Variants in SSBP2 observed in about 807,000 individuals in gnomAD.
SSBP2 encodes the protein single-stranded DNA-binding protein 2.
Under a neutral mutation model 61.8 loss-of-function variants are expected in SSBP2, and 17 were observed. The observed-to-expected ratio is 0.28, with a 90% CI of 0.19 to 0.41. SSBP2 has a LOEUF of 0.41. Among genes scored for constraint, SSBP2 ranks in the 10% least tolerant of loss-of-function variants. The probability of loss-of-function intolerance (pLI) is 1.00; values close to 1 mark genes in which losing one functional copy is unlikely to be tolerated. For synonymous variants in SSBP2, 139 were observed against 141.3 expected (o/e 0.98, Z 0.12); for missense variants, 310 against 458.7 (o/e 0.68, Z 2.96).
At chr5:81,512,047 C>G (rs1232444716) in intron 5 of SSBP2, among the ~76,000 whole-genome samples, 1 of 152,186 alleles carries the variant, frequency 6.6e-6, no homozygotes, top group East Asian at 1.9e-4. Flanking sequence ...AAACTGCTCC[C>G]TCTTTTAAAA....
chr5:81,563,743 T>G (rs1773221016), intron 4 of SSBP2, among the ~76,000 whole-genome samples: 1 of 151,916 alleles, frequency 6.6e-6, no homozygotes, highest in South Asian at 2.1e-4. Context: ...AAAAATCAAT[T>G]CAAAAATGGA....
chr5:81,728,709 G>A (rs1756058785), intron 1 of SSBP2, among the ~76,000 whole-genome samples: 1 of 152,106 alleles, frequency 6.6e-6, no homozygotes, highest in South Asian at 2.1e-4. Flanking sequence ...ATAAATTCTG[G>A]TTGCTTGATT....
intron 12 of SSBP2, among the ~76,000 whole-genome samples, chr5:81,445,528 T>G (rs1043442834): frequency 1.3e-5 from 2 of 152,152 alleles, no homozygotes; most frequent in African/African-American, 4.8e-5. Context: ...TCAGTTGATA[T>G]AATTCTATCT....
At chr5:81,586,783 C>T (rs1330205974) in intron 4 of SSBP2, among the ~76,000 whole-genome samples, 2 of 151,974 alleles carry the variant, frequency 1.3e-5, no homozygotes, top group Non-Finnish European at 2.9e-5. Flanking sequence ...ATCGTGCCTA[C>T]CTGATCTGTC....
Position 81,489,255 on chromosome 5 carries a change from T to A in SSBP2, c.427A>T (p.Asn143Tyr). ...ACATAGCACATAAATCTTACCTGAT[T>A]AGGTATCCTCAATGGGGGCCTTGGA... Residue 143 changes from asparagine (N) to tyrosine (Y), a missense_variant, in exon 6 of 17, where the codon AAT (asparagine) becomes TAT (tyrosine). Asn to Tyr is a moderately radical substitution (Grantham distance 143, BLOSUM62 -2). Around this residue, in one of 4 missense-constraint regions of SSBP2, gnomAD observed 209 missense variants for 286.4 expected, o/e 0.73. Coordinates refer to ENST00000320672, the MANE Select transcript of SSBP2 (RefSeq NM_012446.5). The A allele has an allele frequency of 6.2e-7, 1 of 1,608,994 alleles. No homozygotes were observed. The highest frequency in any genetic ancestry group is 1.3e-5 in the African/African-American group (1 of 74,680).
chr5:81,465,712 T>C (rs1764845246), intron 9 of SSBP2, among the ~76,000 whole-genome samples: 1 of 152,024 alleles, frequency 6.6e-6, no homozygotes, highest in Admixed American at 6.6e-5. Context: ...TACATCTCCA[T>C]CCTATTGGTA....
chr5:81,528,835 A>G lies in SSBP2; in HGVS notation c.283-15118T>C, dbSNP rs1430202108. On this transcript the variant is annotated intron_variant, in intron 4 of 16. Coordinates refer to ENST00000320672, the MANE Select transcript of SSBP2 (RefSeq NM_012446.5). ...AGCAAGTTATAACAATCTTTAATCC[A>G]TACAGCAATATAACTTCAAAATTCA... Among the ~76,000 whole-genome samples the G allele has an allele frequency of 2.6e-5, 4 of 152,098 alleles. No homozygotes were observed. The East Asian group carries it at 5.8e-4, about 22-fold the overall frequency.
At chr5:81,672,523 A>C (rs1318275316) in intron 1 of SSBP2, among the ~76,000 whole-genome samples, 1 of 152,142 alleles carries the variant, frequency 6.6e-6, no homozygotes, top group Non-Finnish European at 1.5e-5. Flanking sequence ...AGGGAAGAAA[A>C]GATTAAACAC....
intron 10 of SSBP2, among the ~76,000 whole-genome samples, chr5:81,452,994 C>A (rs1388434902): frequency 6.6e-6 from 1 of 150,896 alleles, no homozygotes; most frequent in Non-Finnish European, 1.5e-5. Context: ...GAAAACATTG[C>A]CAATTAAGAA....
intron 10 of SSBP2, among the ~76,000 whole-genome samples, chr5:81,452,448 A>G (rs1416753819): frequency 6.6e-6 from 1 of 152,172 alleles, no homozygotes; most frequent in African/African-American, 2.4e-5. Flanking sequence ...TTTTAGAGAA[A>G]TAAGTCTAGA....
rs1774924149 is a variant in SSBP2, at chr5:81,584,571, C to CAGGAAACAA, written c.282+30893_282+30901dup. Among the ~76,000 whole-genome samples, 4 of 152,078 alleles carry CAGGAAACAA rather than the reference C, an allele frequency of 2.6e-5. No individual in the cohort carries two copies. In the South Asian group the frequency reaches 8.3e-4, roughly 31 times the overall value. On this transcript the variant is annotated intron_variant, in intron 4 of 16. Coordinates refer to ENST00000320672, the MANE Select transcript of SSBP2 (RefSeq NM_012446.5). ...TTCAGTGGTATGCTAGAGGAAAACA[C>CAGGAAACAA]AGGAAACAAAGGCCAAACAAGTATC... is the stretch of plus-strand genomic sequence containing the variant.
chr5:81,635,933 T>C (rs1440470891), intron 3 of SSBP2, among the ~76,000 whole-genome samples: 1 of 152,186 alleles, frequency 6.6e-6, no homozygotes, highest in Non-Finnish European at 1.5e-5. Context: ...CAAGCCCTGC[T>C]CTCTCCCAAA....
chr5:81,727,688 G>C (rs963106562), intron 1 of SSBP2, among the ~76,000 whole-genome samples: 1 of 152,168 alleles, frequency 6.6e-6, no homozygotes, highest in African/African-American at 2.4e-5. Context: ...AATATAAATT[G>C]AGCATCTCTT....
At chr5:81,653,182 C>T (rs1351549658) in intron 1 of SSBP2, among the ~76,000 whole-genome samples, 2 of 151,958 alleles carry the variant, frequency 1.3e-5, no homozygotes, top group Non-Finnish European at 2.9e-5. Context: ...CCACTTATGA[C>T]TGAGAACATG....
At chr5:81,519,183 C>T (rs192133308) in intron 4 of SSBP2, among the ~76,000 whole-genome samples, 4 of 152,160 alleles carry the variant, frequency 2.6e-5, no homozygotes, top group Admixed American at 6.5e-5. Context: ...TATTTATCTA[C>T]TTATTGAAAG....
chr5:81,614,355 G>C (rs1300250430), intron 4 of SSBP2, among the ~76,000 whole-genome samples: 4 of 51,676 alleles, frequency 7.7e-5, no homozygotes, highest in Admixed American at 3.4e-4. Flanking sequence ...GCGAGACTCC[G>C]TCTCAAAAAA....
chr5:81,625,434 ATAT>A (rs199560876), intron 3 of SSBP2, among the ~76,000 whole-genome samples: 7,804 of 152,090 alleles, frequency 0.051, 367 homozygotes, highest in African/African-American at 0.12. Context: ...ATGAAAGCAA[ATAT>A]TATCCTTGAA....
At chr5:81,547,940 G>A (rs1382094296) in intron 4 of SSBP2, among the ~76,000 whole-genome samples, 1 of 152,116 alleles carries the variant, frequency 6.6e-6, no homozygotes, top group Non-Finnish European at 1.5e-5. Context: ...AGGACACAAG[G>A]ATTTTTAGGG....
chr5:81,449,646 T>C (rs1763637934), intron 10 of SSBP2, among the ~76,000 whole-genome samples: 1 of 152,216 alleles, frequency 6.6e-6, no homozygotes, highest in Non-Finnish European at 1.5e-5. Context: ...ATACCTGCTA[T>C]ATAATTAAAC....
Sources: allele counts gnomAD v4.1 joint callset (sites outside exome capture counted in the v4.1 genomes callset), GRCh38; gene constraint gnomAD v4.1.1; regional missense constraint gnomAD v4.1.1; transcripts MANE v1.5; gene names NCBI Gene and HGNC (gene_info 2026-07-23, HGNC 2026-07-21).